The following ROR1 variants were observed in gnomAD, a reference collection of about 807,000 sequenced individuals.
ROR1 encodes the protein ROR family WNT receptor 1.
ROR1 carries 19 observed loss-of-function variants against 78.8 expected under a neutral mutation model. That is an observed-to-expected ratio of 0.24 (90% CI 0.17 to 0.35). ROR1 has a LOEUF of 0.35. Ranked by LOEUF, ROR1 falls within the 10% of genes least tolerant of loss-of-function variation. The probability of loss-of-function intolerance (pLI) is 1.00; values close to 1 mark genes in which losing one functional copy is unlikely to be tolerated. For synonymous variants in ROR1, 386 were observed against 433.6 expected, an observed-to-expected ratio of 0.89 and a Z score of 1.36; for missense variants, 917 against 1,177.8, an observed-to-expected ratio of 0.78 and a Z score of 3.24.
chr1:63,897,562 T>A (rs1450479681), intron 1 of ROR1, among the ~76,000 whole-genome samples: 1 of 152,210 alleles, frequency 6.6e-6, no homozygotes, highest in African/African-American at 2.4e-5. Context: ...TTTCCTAAAA[T>A]GTAAGCTCAA....
At chr1:64,024,441 A>G (rs1451711762) in intron 2 of ROR1, among the ~76,000 whole-genome samples, 2 of 152,200 alleles carry the variant, frequency 1.3e-5, no homozygotes, top group African/African-American at 4.8e-5. Context: ...AGATTGCACC[A>G]CTGCACTCCA....
intron 4 of ROR1, among the ~76,000 whole-genome samples, chr1:64,130,523 C>T (rs1161658939): frequency 2.6e-5 from 4 of 152,250 alleles, no homozygotes; most frequent in Admixed American, 2.6e-4. Context: ...CTGCCTATAC[C>T]TGTCCAGAGA....
chr1:64,007,214 CTACGA>C (rs1646435004), intron 1 of ROR1, among the ~76,000 whole-genome samples: 1 of 152,148 alleles, frequency 6.6e-6, no homozygotes, highest in African/African-American at 2.4e-5. Context: ...TTAAAGGACT[CTACGA>C]CAGATCCCAG....
rs1649401894 is a variant in ROR1, at chr1:64,143,772, G to A, written c.1174+1122G>A. Among the ~76,000 whole-genome samples, 3 of 152,286 alleles carry A rather than the reference G, an allele frequency of 2.0e-5. No individual in the cohort carries two copies. The South Asian group carries it at 6.2e-4, about 32-fold the overall frequency. Reference sequence around the variant, plus strand: ...GGCGGAACAAGCAAAAGGGAGAGTAGCAGAAGATTAGGTCGGGAAAGTAAC... The same window carrying A: ...GGCGGAACAAGCAAAAGGGAGAGTAACAGAAGATTAGGTCGGGAAAGTAAC... On this transcript the variant is annotated intron_variant, in intron 7 of 8. Coordinates refer to ENST00000371079, the MANE Select transcript of ROR1 (RefSeq NM_005012.4).
intron 4 of ROR1, among the ~76,000 whole-genome samples, chr1:64,083,974 TC>T (rs1647128123): frequency 1.3e-5 from 2 of 152,204 alleles, no homozygotes; most frequent in African/African-American, 4.8e-5. Context: ...CAAGTACTGG[TC>T]CAAAGGACTG....
At chr1:63,905,035 C>G (rs1449354173) in intron 1 of ROR1, among the ~76,000 whole-genome samples, 1 of 152,132 alleles carries the variant, frequency 6.6e-6, no homozygotes, top group Non-Finnish European at 1.5e-5. Flanking sequence ...TTGTTAAGAG[C>G]CTTCCCTGGG....
At chr1:64,018,645 C>G (rs1315280380) in intron 2 of ROR1, among the ~76,000 whole-genome samples, 1 of 152,076 alleles carries the variant, frequency 6.6e-6, no homozygotes, top group Non-Finnish European at 1.5e-5. Flanking sequence ...AGAGGTTGAC[C>G]AGGAAAAGCA....
chr1:63,786,412 A>AC (rs1644687782), intron 1 of ROR1, among the ~76,000 whole-genome samples: 2 of 151,216 alleles, frequency 1.3e-5, no homozygotes, highest in South Asian at 4.2e-4. Flanking sequence ...AGCTGGGACT[A>AC]CAGGCACCCG....
chr1:63,878,826 C>T (rs1232843111), intron 1 of ROR1, among the ~76,000 whole-genome samples: 1 of 152,036 alleles, frequency 6.6e-6, no homozygotes, highest in African/African-American at 2.4e-5. Context: ...TTATTTCTTG[C>T]CAGTCTCCCT....
intron 1 of ROR1, among the ~76,000 whole-genome samples, chr1:63,793,656 G>T (rs1289995818): frequency 6.6e-6 from 1 of 152,178 alleles, no homozygotes; most frequent in Non-Finnish European, 1.5e-5. Context: ...CTCAGGGTAT[G>T]TTTTTTTATT....
intron 1 of ROR1, among the ~76,000 whole-genome samples, chr1:63,844,445 G>C (rs1425916548): frequency 6.6e-6 from 1 of 152,144 alleles, no homozygotes; most frequent in Non-Finnish European, 1.5e-5. Flanking sequence ...GTCAGTTACT[G>C]CTGCTAGACT....
intron 1 of ROR1, among the ~76,000 whole-genome samples, chr1:63,940,542 T>TAGATAGATAGATA: frequency 6.6e-6 from 1 of 151,676 alleles, no homozygotes; most frequent in Non-Finnish European, 1.5e-5. Flanking sequence ...GATAGATAGA[T>TAGATAGATAGATA]AATGTGAAGG....
rs1644602673 is a variant in ROR1, at chr1:63,774,684, C to T, written c.91+176C>T. 6.6e-6 allele frequency among the ~76,000 whole-genome samples: 1 copy of T among 151,074 alleles called. No homozygotes were observed. The highest frequency in any genetic ancestry group is 1.5e-5 in the Non-Finnish European group (1 of 67,724). Reference sequence around the variant, plus strand: ...GGCCAGGGTTTGCCCCGGAGCCCCGCCAGGCCAGGGTTTGCCCCGGAGCCC... The same window carrying T: ...GGCCAGGGTTTGCCCCGGAGCCCCGTCAGGCCAGGGTTTGCCCCGGAGCCC... On this transcript the variant is annotated intron_variant, in intron 1 of 8. Coordinates refer to ENST00000371079, the MANE Select transcript of ROR1 (RefSeq NM_005012.4). This position sits in a 1 kb window ranked among gnomAD's most constrained non-coding sequence, Gnocchi z 5.7.
chr1:64,134,515 CA>C (rs1490302557), intron 4 of ROR1, among the ~76,000 whole-genome samples: 1 of 152,120 alleles, frequency 6.6e-6, no homozygotes, highest in Non-Finnish European at 1.5e-5. Flanking sequence ...AATAGCTCAT[CA>C]GGGGCTGCTT....
chr1:63,826,700 A>C (rs925688339), intron 1 of ROR1, among the ~76,000 whole-genome samples: 1 of 151,428 alleles, frequency 6.6e-6, no homozygotes, highest in South Asian at 2.1e-4. Flanking sequence ...ACTAATTTAC[A>C]CTCCCACCAA....
At chr1:63,997,154 G>T (rs539227909) in intron 1 of ROR1, among the ~76,000 whole-genome samples, 1 of 152,270 alleles carries the variant, frequency 6.6e-6, no homozygotes, top group Admixed American at 6.5e-5. Flanking sequence ...CTGAAAAGGG[G>T]TTTGTTTTTC....
At chr1:63,786,067 T>A (rs1370056621) in intron 1 of ROR1, among the ~76,000 whole-genome samples, 2 of 151,916 alleles carry the variant, frequency 1.3e-5, no homozygotes, top group East Asian at 3.9e-4. Context: ...GAACTGAGCA[T>A]GTCCAGTCTG....
intron 1 of ROR1, among the ~76,000 whole-genome samples, chr1:63,977,800 A>G (rs1036198199): frequency 5.9e-5 from 9 of 152,226 alleles, no homozygotes; most frequent in African/African-American, 2.2e-4. Flanking sequence ...TTGACTTAGT[A>G]TGATCCACAT....
chr1:64,096,968 G>A (rs1647323943), intron 4 of ROR1, among the ~76,000 whole-genome samples: 1 of 151,508 alleles, frequency 6.6e-6, no homozygotes, highest in African/African-American at 2.4e-5. Context: ...TGATGATGAT[G>A]TCAAGGATTC....
Sources: allele counts gnomAD v4.1 joint callset (sites outside exome capture counted in the v4.1 genomes callset), GRCh38; gene constraint gnomAD v4.1.1; non-coding constraint Gnocchi (gnomAD v3.1); transcripts MANE v1.5; gene names NCBI Gene and HGNC (gene_info 2026-07-23, HGNC 2026-07-21).